Variants in MYB observed in about 807,000 individuals in gnomAD.
MYB encodes MYB proto-oncogene, transcription factor.
A neutral mutation model predicts 92.9 loss-of-function variants in MYB; 28 were observed. That is an observed-to-expected ratio of 0.30 (90% CI 0.22 to 0.41). The LOEUF is 0.41. MYB is among the 10% of genes least tolerant of loss of function. The probability of loss-of-function intolerance (pLI) is 1.00; values close to 1 mark genes in which losing one functional copy is unlikely to be tolerated. For synonymous variants in MYB, 295 were observed against 329.1 expected, an observed-to-expected ratio of 0.90 and a Z score of 1.12; for missense variants, 679 against 929.3, an observed-to-expected ratio of 0.73 and a Z score of 3.50.
At chr6:135,198,861 A>C in intron 10 of MYB, 47 bp from the exon 11 acceptor site, 1 of 1,472,296 alleles carries the variant, frequency 6.8e-7, no homozygotes, top group Non-Finnish European at 9.3e-7. Flanking sequence ...GGGAGAATAA[A>C]GAATTACCAT....
chr6:135,214,418 T>C (rs1304853705), intron 15 of MYB, among the ~76,000 whole-genome samples: 1 of 152,226 alleles, frequency 6.6e-6, no homozygotes, highest in Non-Finnish European at 1.5e-5. Context: ...TCTTTCCTGG[T>C]TCTCACATCT....
chr6:135,192,636 G>A, intron 6 of MYB, 78 bp downstream of exon 6: 1 of 1,403,928 alleles, frequency 7.1e-7, no homozygotes, highest in Non-Finnish European at 1.0e-6. Flanking sequence ...CTTTGCAGTT[G>A]TATACTTTTC....
intron 15 of MYB, among the ~76,000 whole-genome samples, chr6:135,208,656 C>T (rs746596293): frequency 2.0e-5 from 3 of 151,670 alleles, no homozygotes; most frequent in Non-Finnish European, 4.4e-5. Context: ...GCTGGGATTA[C>T]AGGCAGGAGC....
intron 11 of MYB, 64 bp from the exon 12 acceptor site, chr6:135,200,021 A>G (rs1161221948): frequency 3.3e-6 from 4 of 1,223,662 alleles, no homozygotes; most frequent in East Asian, 4.7e-5. Context: ...TAAATGTAAC[A>G]GGTAAAGCCA....
At chr6:135,186,619 C>T (rs1413325474) in intron 2 of MYB, among the ~76,000 whole-genome samples, 1 of 152,200 alleles carries the variant, frequency 6.6e-6, no homozygotes, top group East Asian at 1.9e-4. Context: ...TCAGAGAACT[C>T]ATCTTTTTAC....
At chr6:135,183,495 C>G (rs1371606554) in intron 1 of MYB, among the ~76,000 whole-genome samples, 1 of 152,200 alleles carries the variant, frequency 6.6e-6, no homozygotes, top group Non-Finnish European at 1.5e-5. Flanking sequence ...TCGAGTGCAT[C>G]AACCCTGAAA....
chr6:135,197,677 G>A (rs1488299178), intron 10 of MYB, among the ~76,000 whole-genome samples: 4 of 151,630 alleles, frequency 2.6e-5, no homozygotes, highest in South Asian at 2.1e-4. Context: ...TTTCTTCCTC[G>A]TTGTTCATTT....
rs761564188 is a variant in MYB, at chr6:135,197,173, C to T, written c.1416C>T (p.His472=). Residue 472 remains histidine (H), a synonymous_variant, in exon 10 of 16, where the codon CAC becomes CAT. Transcript: ENST00000341911. ...DPPKVLPPAR[H]STIPLVILRK... is the part of the protein sequence containing the mutation. ...CCAAGGTCTTACCTCCTGCAAGGCA[C>T]AGCACAATTCCACTGGTCATCCTTC... 1 of 1,614,020 alleles carries T rather than the reference C, an allele frequency of 6.2e-7. No homozygotes were observed. The highest frequency in any genetic ancestry group is 1.1e-5 in the South Asian group (1 of 91,088).
chr6:135,191,036 C>A (rs1237080255), intron 5 of MYB, among the ~76,000 whole-genome samples: 1 of 152,190 alleles, frequency 6.6e-6, no homozygotes, highest in Non-Finnish European at 1.5e-5. Flanking sequence ...TGGCCTCAAA[C>A]AATCCTTTCA....
intron 6 of MYB, 104 bp from the exon 7 acceptor site, chr6:135,193,734 T>G (rs1164547085): frequency 1.5e-6 from 1 of 688,046 alleles, no homozygotes; most frequent in East Asian, 2.6e-5. Flanking sequence ...ATCAGTAAAG[T>G]GTTTTTTTTC....
rs187487616 is a variant in MYB, at chr6:135,190,121, C to T, written c.307-6C>T. 4,337 of 1,612,964 alleles carry T rather than the reference C, an allele frequency of 2.7e-3. 13 individuals are homozygous for T. Among genetic ancestry groups the T allele is most frequent in the Admixed American group, 3.3e-3 (199 of 59,956 alleles). ...ACATAGGTTATTTTTGTGTGTTTAT[C>T]TGAAGGTGATAGAGCTTGTACAGAA... On this transcript the variant is annotated splice_region_variant and splice_polypyrimidine_tract_variant and intron_variant, in intron 4 of 15. Transcript: ENST00000341911. This position sits in a 1 kb window ranked among gnomAD's most constrained non-coding sequence, Gnocchi z 4.5.
rs567225564 is a variant in MYB, at chr6:135,186,061, T to G, written c.141+41T>G. 4.4e-5 allele frequency: 69 copies of G among 1,564,290 alleles called. No homozygotes were observed. In the Admixed American group the frequency reaches 4.6e-4, roughly 10 times the overall value. On this transcript the variant is annotated intron_variant, in intron 2 of 15. Coordinates refer to ENST00000341911, the MANE Select transcript of MYB (RefSeq NM_001130173.2). ...ATCAAGACGCAGAAAATAGATAGAG[T>G]GTATAATTTATAAAAAACAAAATTT...
At chr6:135,211,699 G>A (rs1006952437) in intron 15 of MYB, among the ~76,000 whole-genome samples, 6 of 152,122 alleles carry the variant, frequency 3.9e-5, no homozygotes, top group African/African-American at 1.2e-4. Flanking sequence ...GAGACATCGG[G>A]GACAAACTCC....
intron 15 of MYB, among the ~76,000 whole-genome samples, chr6:135,205,559 T>C (rs933933242): frequency 6.6e-6 from 1 of 152,256 alleles, no homozygotes; most frequent in Non-Finnish European, 1.5e-5. Flanking sequence ...GTTATAGCTC[T>C]ATTTTATTAA....
At chr6:135,215,754 T>C (rs1340995201) in intron 15 of MYB, among the ~76,000 whole-genome samples, 1 of 151,894 alleles carries the variant, frequency 6.6e-6, no homozygotes, top group Non-Finnish European at 1.5e-5. Context: ...CGTTTCCACC[T>C]CTCTCTCCCC....
chr6:135,193,116 A>G (rs1346054585), intron 6 of MYB, among the ~76,000 whole-genome samples: 4 of 152,004 alleles, frequency 2.6e-5, no homozygotes, highest in Non-Finnish European at 4.4e-5. Context: ...TGTGACATTC[A>G]TTTTCTGATG....
At chr6:135,217,722 G>A (rs1780648633) in intron 15 of MYB, 142 bp from the exon 16 acceptor site, 7 of 714,606 alleles carry the variant, frequency 9.8e-6, no homozygotes, top group Non-Finnish European at 1.8e-5. Flanking sequence ...CGGATTTCTG[G>A]GGGCCAGGGA....
At chr6:135,207,292 A>C (rs1779075569) in intron 15 of MYB, among the ~76,000 whole-genome samples, 1 of 152,238 alleles carries the variant, frequency 6.6e-6, no homozygotes, top group Non-Finnish European at 1.5e-5. Context: ...GCAAAATAGG[A>C]GTTTCAAAAT....
intron 15 of MYB, among the ~76,000 whole-genome samples, chr6:135,216,391 G>T (rs1780437911): frequency 6.6e-6 from 1 of 152,170 alleles, no homozygotes; most frequent in Non-Finnish European, 1.5e-5. Flanking sequence ...TTGCATAGTG[G>T]TCAAAGTCGA....
Sources: allele counts gnomAD v4.1 joint callset (sites outside exome capture counted in the v4.1 genomes callset), GRCh38; gene constraint gnomAD v4.1.1; non-coding constraint Gnocchi (gnomAD v3.1); transcripts MANE v1.5; gene names NCBI Gene and HGNC (gene_info 2026-07-23, HGNC 2026-07-21).